The following CEP63 variants were observed in gnomAD, a reference collection of about 807,000 sequenced individuals.
CEP63 encodes centrosomal protein 63.
Under a neutral mutation model 89.1 loss-of-function variants are expected in CEP63, and 84 were observed. The ratio of observed to expected loss-of-function variants is 0.94; its 90% CI spans 0.79 to 1.13. CEP63 has a LOEUF of 1.13. Ranked by LOEUF, CEP63 falls within the 50% of genes most tolerant of loss-of-function variation. The pLI is 0.00. For synonymous variants in CEP63, 267 were observed against 272.5 expected, an observed-to-expected ratio of 0.98 and a Z score of 0.20; for missense variants, 838 against 813.3, an observed-to-expected ratio of 1.03 and a Z score of -0.37.
At chr3:134,576,899 C>T (rs1404787530), downstream of CEP63, among the ~76,000 whole-genome samples, 1 of 152,174 alleles carries the variant, frequency 6.6e-6, no homozygotes, top group African/African-American at 2.4e-5. Context: ...GAAAAGCTGG[C>T]TGCTCAATTT....
chr3:134,575,382 TCCCTCCC>T (rs1377519585), downstream of CEP63, among the ~76,000 whole-genome samples: 94 of 39,738 alleles, frequency 2.4e-3, no homozygotes, highest in Admixed American at 2.8e-3. Flanking sequence ...CCTCCCTCCC[TCCCTCCC>T]TTTTTTCCTT....
At chr3:134,670,032 G>T in the CEP63 span, among the ~76,000 whole-genome samples, 3 of 152,146 alleles carry the variant, frequency 2.0e-5, no homozygotes, top group Non-Finnish European at 4.4e-5. Flanking sequence ...AGAGGTTATG[G>T]TGAAAAGTCT....
chr3:134,604,074 G>T, the CEP63 span: 3 of 1,613,744 alleles, frequency 1.9e-6, no homozygotes, highest in Admixed American at 3.3e-5. Flanking sequence ...CATCATCCCC[G>T]TGGAGGGAAG....
At chr3:134,689,467 T>TTATTATTATTATTAC in the CEP63 span, among the ~76,000 whole-genome samples, 2 of 151,830 alleles carry the variant, frequency 1.3e-5, no homozygotes, top group African/African-American at 4.8e-5. Context: ...ATTATTATTA[T>TTATTATTATTATTAC]TTGAGACAGG....
chr3:134,698,550 C>G, the CEP63 span, among the ~76,000 whole-genome samples: 1 of 152,198 alleles, frequency 6.6e-6, no homozygotes, highest in South Asian at 2.1e-4. Context: ...CAGTCTCTTG[C>G]TGGAAGTTTG....
chr3:134,590,075 G>T (rs955317495), downstream of CEP63, among the ~76,000 whole-genome samples: 6 of 152,136 alleles, frequency 3.9e-5, no homozygotes, highest in Admixed American at 1.3e-4. Flanking sequence ...AACAGACACT[G>T]GGGCCTACTT....
At chr3:134,641,379 A>AT in the CEP63 span, 1 of 152,192 alleles carries the variant, frequency 6.6e-6, no homozygotes, top group East Asian at 1.9e-4. Flanking sequence ...TGGGCTCTGA[A>AT]TGCGACCACA....
At chr3:134,701,515 CTTCT>C in the CEP63 span, among the ~76,000 whole-genome samples, 3 of 149,216 alleles carry the variant, frequency 2.0e-5, no homozygotes, top group Non-Finnish European at 4.4e-5. Flanking sequence ...ATTTAAAAAA[CTTCT>C]TTCTTTCTTG....
chr3:134,557,404 T>TTTTTTTTTTTTTC (rs1560042339), intron 12 of CEP63, among the ~76,000 whole-genome samples: 1 of 130,232 alleles, frequency 7.7e-6, no homozygotes, highest in African/African-American at 2.7e-5. Flanking sequence ...TTTTTTTTTT[T>TTTTTTTTTTTTTC]ACAGAAAAGA....
chr3:134,510,168 C>A (rs1447774097), intron 3 of CEP63, among the ~76,000 whole-genome samples: 1 of 152,172 alleles, frequency 6.6e-6, no homozygotes, highest in Admixed American at 6.5e-5. Flanking sequence ...AGCACAGGAG[C>A]AAACCACTGT....
At chr3:134,701,350 A>ATG in the CEP63 span, among the ~76,000 whole-genome samples, 15 of 19,980 alleles carry the variant, frequency 7.5e-4, 4 homozygotes, top group East Asian at 0.035. Flanking sequence ...ATACGTATAT[A>ATG]TGTGTATATA....
the CEP63 span, among the ~76,000 whole-genome samples, chr3:134,683,960 A>C: frequency 5.3e-5 from 8 of 151,992 alleles, no homozygotes; most frequent in African/African-American, 1.7e-4. Flanking sequence ...TCACCTGTGG[A>C]TCTGGGTGGG....
the CEP63 span, among the ~76,000 whole-genome samples, chr3:134,737,444 CA>C: frequency 6.6e-6 from 1 of 151,622 alleles, no homozygotes; most frequent in Admixed American, 6.6e-5. Flanking sequence ...AACCGAAAAG[CA>C]AAACATAATC....
At chr3:134,588,214 G>T (rs1958524782), downstream of CEP63, among the ~76,000 whole-genome samples, 1 of 152,042 alleles carries the variant, frequency 6.6e-6, no homozygotes, top group African/African-American at 2.4e-5. Flanking sequence ...AATCACTTGA[G>T]GGGGATAGAG....
At chr3:134,700,305 T>C in the CEP63 span, among the ~76,000 whole-genome samples, 13 of 152,356 alleles carry the variant, frequency 8.5e-5, no homozygotes, top group African/African-American at 3.1e-4. Flanking sequence ...AACCACTTAA[T>C]GGGTTCCCAG....
the CEP63 span, among the ~76,000 whole-genome samples, chr3:134,727,700 T>C: frequency 1.3e-5 from 2 of 152,246 alleles, no homozygotes; most frequent in Non-Finnish European, 2.9e-5. Flanking sequence ...TGGATATTTA[T>C]GGGTAAAATG....
At chr3:134,506,967 T>G in intron 2 of CEP63, 142 bp from the exon 3 acceptor site, 1 of 563,706 alleles carries the variant, frequency 1.8e-6, no homozygotes. Flanking sequence ...ATTCTTTGCT[T>G]CTGGTAATTT....
the CEP63 span, among the ~76,000 whole-genome samples, chr3:134,612,728 G>GTCAGC: frequency 6.7e-6 from 1 of 148,462 alleles, no homozygotes; most frequent in East Asian, 2.0e-4. Flanking sequence ...AATCTCTCCA[G>GTCAGC]TCAGCACAAT....
At chr3:134,711,476 C>A in the CEP63 span, among the ~76,000 whole-genome samples, 1 of 152,138 alleles carries the variant, frequency 6.6e-6, no homozygotes, top group Non-Finnish European at 1.5e-5. Context: ...TACAAGAGGT[C>A]CCTGTGCCCT....
Sources: allele counts gnomAD v4.1 joint callset (sites outside exome capture counted in the v4.1 genomes callset), GRCh38; gene constraint gnomAD v4.1.1; transcripts MANE v1.5; gene names NCBI Gene and HGNC (gene_info 2026-07-23, HGNC 2026-07-21).